SLC35D1: variants seen among roughly 807,000 people sequenced by gnomAD.
SLC35D1 encodes the protein nucleotide sugar transporter SLC35D1.
A neutral mutation model predicts 46.7 loss-of-function variants in SLC35D1; 31 were observed. That is an observed-to-expected ratio of 0.66 (90% confidence interval 0.50 to 0.90). The LOEUF (loss-of-function observed/expected upper bound fraction) is 0.90, where lower values mean the gene tolerates loss of function less well. SLC35D1 is among the 40% of genes least tolerant of loss of function. SLC35D1 has a pLI of 0.00. For synonymous variants in SLC35D1, 195 were observed against 164.6 expected, an observed-to-expected ratio of 1.18 and a Z score of -1.41; for missense variants, 397 against 426.2, an observed-to-expected ratio of 0.93 and a Z score of 0.60.
the SLC35D1 span, chr1:66,987,130 A>T: frequency 6.5e-6 from 1 of 152,766 alleles, no homozygotes; most frequent in Non-Finnish European, 1.5e-5. Context: ...ACCTAATGAA[A>T]GACATTCCAC....
intron 10 of SLC35D1, among the ~76,000 whole-genome samples, chr1:67,010,402 T>C (rs1422851712): frequency 6.6e-6 from 1 of 152,092 alleles, no homozygotes; most frequent in Non-Finnish European, 1.5e-5. Context: ...ATACAATGAC[T>C]GTTTTTAGAG....
chr1:66,991,121 G>C, the SLC35D1 span, among the ~76,000 whole-genome samples: 5 of 152,138 alleles, frequency 3.3e-5, no homozygotes, highest in African/African-American at 1.2e-4. Context: ...GTATAAACGT[G>C]TTTTCATCCA....
chr1:67,033,918 C>T (rs987942794), intron 8 of SLC35D1, among the ~76,000 whole-genome samples: 1 of 152,196 alleles, frequency 6.6e-6, no homozygotes, highest in South Asian at 2.1e-4. Flanking sequence ...CCGGCTTTCC[C>T]TGAACCATAC....
chr1:67,004,228 G>T lies in SLC35D1; in HGVS notation c.*112C>A. On this transcript the variant is annotated 3_prime_UTR_variant, in exon 12 of 12. Coordinates refer to ENST00000235345, the MANE Select transcript of SLC35D1 (RefSeq NM_015139.3). ...AATCCTCAGATTGTACAAGTGCAAA[G>T]GAATGGTTATTTCCTCCATAATCAA... 1 of 895,430 alleles carries T rather than the reference G, an allele frequency of 1.1e-6. No homozygotes were observed. Among genetic ancestry groups the T allele is most frequent in the Non-Finnish European group, 1.8e-6 (1 of 545,500 alleles). 55.5% of individuals were successfully genotyped at this position (895,430 alleles called of 1,614,324 possible).
the SLC35D1 span, among the ~76,000 whole-genome samples, chr1:66,991,200 T>C: frequency 6.6e-6 from 1 of 152,226 alleles, no homozygotes; most frequent in Non-Finnish European, 1.5e-5. Context: ...CTAGGATTTT[T>C]GAAAACTTTT....
chr1:67,015,124 A>G (rs1667655250), intron 10 of SLC35D1, among the ~76,000 whole-genome samples: 1 of 147,616 alleles, frequency 6.8e-6, no homozygotes, highest in Non-Finnish European at 1.5e-5. Flanking sequence ...TGTTTTTAGT[A>G]AAAAAGGTTA....
At chr1:66,995,978 GA>G (rs1667235270), downstream of SLC35D1, among the ~76,000 whole-genome samples, 2 of 152,190 alleles carry the variant, frequency 1.3e-5, no homozygotes, top group Non-Finnish European at 2.9e-5. Flanking sequence ...GATGGTATAT[GA>G]AATATATTCT....
chr1:67,006,777 C>A (rs1180355709), intron 11 of SLC35D1, among the ~76,000 whole-genome samples: 1 of 152,086 alleles, frequency 6.6e-6, no homozygotes, highest in East Asian at 1.9e-4. Context: ...ATGCTTGGGA[C>A]CAGAAGGGTT....
intron 11 of SLC35D1, among the ~76,000 whole-genome samples, 170 bp downstream of exon 11, chr1:67,008,915 G>C (rs977922880): frequency 6.6e-6 from 1 of 152,026 alleles, no homozygotes; most frequent in Non-Finnish European, 1.5e-5. Context: ...ACCTCTCCCT[G>C]CTTCTTAAAA....
At chr1:66,995,118 C>T (rs1017786602), downstream of SLC35D1, among the ~76,000 whole-genome samples, 4 of 152,112 alleles carry the variant, frequency 2.6e-5, no homozygotes, top group Non-Finnish European at 5.9e-5. Flanking sequence ...TCTGCCCTTC[C>T]GTGATCCCCA....
intron 4 of SLC35D1, 46 bp downstream of exon 4, chr1:67,051,966 A>G: frequency 7.9e-7 from 1 of 1,259,526 alleles, no homozygotes; most frequent in Non-Finnish European, 1.2e-6. Context: ...TACAATTTTA[A>G]GAATACATTA....
intron 10 of SLC35D1, among the ~76,000 whole-genome samples, chr1:67,018,467 C>G (rs956586801): frequency 2.6e-5 from 4 of 152,068 alleles, no homozygotes; most frequent in Non-Finnish European, 5.9e-5. Context: ...GAAAAGACAC[C>G]AACGTCTTCA....
At chr1:67,011,173 G>A (rs1477969693) in intron 10 of SLC35D1, among the ~76,000 whole-genome samples, 1 of 152,044 alleles carries the variant, frequency 6.6e-6, no homozygotes, top group Non-Finnish European at 1.5e-5. Context: ...CTCCACTGGG[G>A]GTTTAGGTAG....
chr1:66,998,454 C>G (rs1259569660), downstream of SLC35D1, among the ~76,000 whole-genome samples: 2 of 152,162 alleles, frequency 1.3e-5, no homozygotes, highest in Non-Finnish European at 2.9e-5. Context: ...GATGGTGCCA[C>G]TGCACTCCAG....
At chr1:66,984,723 C>A in the SLC35D1 span, 1 of 1,613,990 alleles carries the variant, frequency 6.2e-7, no homozygotes, top group South Asian at 1.1e-5. Flanking sequence ...TTACCACTGA[C>A]CCAAAACTTG....
intron 8 of SLC35D1, among the ~76,000 whole-genome samples, chr1:67,040,927 A>G (rs1276503367): frequency 6.6e-6 from 1 of 152,240 alleles, no homozygotes; most frequent in Admixed American, 6.5e-5. Flanking sequence ...TGCTTCTGCT[A>G]GTCGCTAGTC....
At chr1:67,050,137 T>A (rs1645293469) in intron 5 of SLC35D1, among the ~76,000 whole-genome samples, 1 of 152,214 alleles carries the variant, frequency 6.6e-6, no homozygotes, top group Non-Finnish European at 1.5e-5. Context: ...CATTTGGAGC[T>A]AGACATGAAC....
At chr1:66,989,947 C>T in the SLC35D1 span, among the ~76,000 whole-genome samples, 37 of 152,330 alleles carry the variant, frequency 2.4e-4, no homozygotes, top group African/African-American at 8.4e-4. Flanking sequence ...CCTTAGTCTA[C>T]TCTTGTCACC....
chr1:67,026,364 C>T (rs879855666), intron 8 of SLC35D1, among the ~76,000 whole-genome samples: 14 of 152,150 alleles, frequency 9.2e-5, no homozygotes, highest in Non-Finnish European at 2.1e-4. Context: ...ACAATATGGT[C>T]ATGATATACT....
Sources: gnomAD v4.1 joint callset for allele counts (sites outside exome capture counted in the v4.1 genomes callset) on GRCh38, gnomAD v4.1.1 for gene constraint, MANE v1.5 for transcripts, NCBI Gene and HGNC (gene_info 2026-07-23, HGNC 2026-07-21) for gene names.